ZBTB20: variants seen among roughly 807,000 people sequenced by gnomAD.
ZBTB20 encodes the protein zinc finger and BTB domain-containing protein 20.
A neutral mutation model predicts 56.9 loss-of-function variants in ZBTB20; 9 were observed. That is an observed-to-expected ratio of 0.16 (90% confidence interval 0.10 to 0.28). ZBTB20 has a LOEUF of 0.28. Among genes scored for constraint, ZBTB20 ranks in the 10% least tolerant of loss-of-function variants. ZBTB20 has a pLI of 1.00. For missense variants in ZBTB20, 655 were observed against 1,003.0 expected (o/e 0.65, Z 4.69); for synonymous variants, 417 against 420.7 (o/e 0.99, Z 0.11).
rs1258712701 is a variant in ZBTB20, at chr3:114,945,176, T to A, written c.-456+29190A>T. Reference sequence around the variant, plus strand: ...AAGTAAATACCAACGTAGAATTCTCTAACCAATGAAAGTATTCTTTTAAAA... The same window carrying A: ...AAGTAAATACCAACGTAGAATTCTCAAACCAATGAAAGTATTCTTTTAAAA... On this transcript the variant is annotated intron_variant, in intron 3 of 11. Coordinates refer to ENST00000675478, the MANE Select transcript of ZBTB20 (RefSeq NM_001348800.3). 2.1e-5 allele frequency among the ~76,000 whole-genome samples: 3 copies of A among 145,238 alleles called. 1 individual carries two copies. Among genetic ancestry groups the A allele is most frequent in the African/African-American group, 8.4e-5 (3 of 35,620 alleles).
chr3:114,763,576 T>C (rs1424739100), intron 5 of ZBTB20, among the ~76,000 whole-genome samples: 1 of 152,102 alleles, frequency 6.6e-6, no homozygotes, highest in East Asian at 1.9e-4. Flanking sequence ...GCTACAACCT[T>C]AAATAGCATA....
chr3:114,584,220 A>C (rs2054940569), intron 6 of ZBTB20, among the ~76,000 whole-genome samples: 1 of 152,214 alleles, frequency 6.6e-6, no homozygotes. Context: ...ATAGGAAGAA[A>C]GACTTTTTTT....
In ZBTB20 at chr3:114,324,460, T is replaced by C. The variant is rs1231202582; in HGVS notation, c.*14545A>G. 2.0e-5 allele frequency: 3 copies of C among 152,110 alleles called. No homozygotes were observed. Among genetic ancestry groups the C allele is most frequent in the Admixed American group, 6.5e-5 (1 of 15,272 alleles). The allele number at this position is 152,110 out of a possible 1,614,324, so 9.4% of individuals were successfully genotyped here. A position where few individuals can be genotyped will look rare whatever the true frequency, so the allele number is the denominator to read the frequency against. The stretch of plus-strand genomic sequence containing the variant: ...CACTAGGAGCACTCACTTTTCTACA[T>C]TGATCACTTTTTCCCTCACCTCATT... On this transcript the variant is annotated 3_prime_UTR_variant, in exon 12 of 12. Transcript: ENST00000675478.
intron 7 of ZBTB20, among the ~76,000 whole-genome samples, chr3:114,426,961 CA>C (rs1458873923): frequency 3.3e-5 from 5 of 152,084 alleles, no homozygotes; most frequent in African/African-American, 9.7e-5. Context: ...AAAAAAGTCC[CA>C]TTTTGTTACT....
intron 5 of ZBTB20, among the ~76,000 whole-genome samples, chr3:114,727,853 C>A (rs1302212636): frequency 6.6e-6 from 1 of 151,910 alleles, no homozygotes; most frequent in Non-Finnish European, 1.5e-5. Flanking sequence ...ATAATAATAA[C>A]AATAATTACC....
intron 4 of ZBTB20, among the ~76,000 whole-genome samples, chr3:114,894,137 G>A (rs1250783794): frequency 6.6e-6 from 1 of 152,058 alleles, no homozygotes; most frequent in Non-Finnish European, 1.5e-5. Context: ...AGCACGGGAT[G>A]CTAGGTTCAA....
In ZBTB20 at chr3:115,033,462, T is replaced by G. The variant is rs72943823; in HGVS notation, c.-507+37757A>C. On this transcript the variant is annotated intron_variant, in intron 2 of 11. Coordinates refer to ENST00000675478, the MANE Select transcript of ZBTB20 (RefSeq NM_001348800.3). ...TTAAAAAGAATAATATCAACTAAAG[T>G]TTCCTCAAAAAACAAAAAATTGAGC... Among the ~76,000 whole-genome samples the G allele has an allele frequency of 5.9e-3, 896 of 151,560 alleles. 12 individuals are homozygous for G. The highest frequency in any genetic ancestry group is 0.021 in the African/African-American group (867 of 41,472).
intron 3 of ZBTB20, among the ~76,000 whole-genome samples, chr3:114,936,949 C>T (rs1223666933): frequency 3.3e-5 from 5 of 152,148 alleles, no homozygotes; most frequent in African/African-American, 1.2e-4. Flanking sequence ...GCAATTCTGA[C>T]ATCTCTGAAA....
Position 114,325,217 on chromosome 3 carries a change from C to T in ZBTB20, c.*13788G>A, listed in dbSNP as rs1291473006. ...AAAACTGAGGTTCAAATCAACGGGC[C>T]TAAAGAAGAAGTTTAGCAGCTGAAA... On this transcript the variant is annotated 3_prime_UTR_variant, in exon 12 of 12. Transcript: ENST00000675478. 6.6e-6 allele frequency: 1 copy of T among 152,096 alleles called. No homozygotes were observed. Among genetic ancestry groups the T allele is most frequent in the Non-Finnish European group, 1.5e-5 (1 of 68,008 alleles). 9.4% of individuals were successfully genotyped at this position (152,096 alleles called of 1,614,324 possible). A position where few individuals can be genotyped will look rare whatever the true frequency, so the allele number is the denominator to read the frequency against.
chr3:114,884,430 T>G (rs945586398), intron 4 of ZBTB20, among the ~76,000 whole-genome samples: 2 of 152,214 alleles, frequency 1.3e-5, no homozygotes, highest in East Asian at 1.9e-4. Context: ...GTGCATTTTT[T>G]CACATAGTAT....
intron 6 of ZBTB20, among the ~76,000 whole-genome samples, chr3:114,634,404 T>G (rs929651206): frequency 6.6e-6 from 1 of 152,182 alleles, no homozygotes; most frequent in Non-Finnish European, 1.5e-5. Context: ...ATAGGCATGT[T>G]AGAAATGCCA....
At chr3:114,934,794 G>C (rs59976177) in intron 3 of ZBTB20, among the ~76,000 whole-genome samples, 5,923 of 152,156 alleles carry the variant, frequency 0.039, 155 homozygotes, top group African/African-American at 0.067. Context: ...TTGTTATAAT[G>C]TTATGACAAA....
intron 4 of ZBTB20, among the ~76,000 whole-genome samples, chr3:114,819,869 A>C (rs1289986454): frequency 4.6e-5 from 7 of 150,596 alleles, no homozygotes; most frequent in African/African-American, 1.7e-4. Flanking sequence ...GACCACAAGC[A>C]AACAATTTAT....
In ZBTB20 at chr3:114,883,916, C is replaced by CCTTTTTTTTTTTTTTTTT. The variant is rs1223732179; in HGVS notation, c.-417+16387_-417+16388insAAAAAAAAAAAAAAAAAG. Among the ~76,000 whole-genome samples the CCTTTTTTTTTTTTTTTTT allele has an allele frequency of 9.1e-4, 82 of 89,822 alleles. 26 individuals are homozygous for CCTTTTTTTTTTTTTTTTT. The highest frequency in any genetic ancestry group is 2.0e-3 in the South Asian group (5 of 2,552). The allele number at this position is 89,822 out of a possible 152,430, so 58.9% of individuals were successfully genotyped here. The stretch of plus-strand genomic sequence containing the variant: ...GTATAACTGGTAAGAATGGTGTGTT[C>CCTTTTTTTTTTTTTTTTT]TTTTTTTTTTTTTTTTTTTTTTTTT... On this transcript the variant is annotated intron_variant, in intron 4 of 11. Coordinates refer to ENST00000675478, the MANE Select transcript of ZBTB20 (RefSeq NM_001348800.3).
intron 2 of ZBTB20, among the ~76,000 whole-genome samples, chr3:115,059,265 G>A (rs543543947): frequency 2.6e-5 from 4 of 151,896 alleles, no homozygotes; most frequent in African/African-American, 9.7e-5. Context: ...TTTTGTTGTT[G>A]ACTGCTGAAT....
intron 5 of ZBTB20, among the ~76,000 whole-genome samples, chr3:114,735,698 T>A (rs960162060): frequency 1.3e-5 from 2 of 152,170 alleles, no homozygotes; most frequent in Non-Finnish European, 2.9e-5. Context: ...TCTTTAATTA[T>A]CTAAGCAGCT....
At chr3:114,446,676 A>G (rs2091290785) in intron 7 of ZBTB20, among the ~76,000 whole-genome samples, 1 of 152,152 alleles carries the variant, frequency 6.6e-6, no homozygotes, top group Admixed American at 6.5e-5. Context: ...AAAAGCATGT[A>G]TCTTCTGAGA....
chr3:114,438,252 T>C (rs2090655559), intron 7 of ZBTB20, among the ~76,000 whole-genome samples: 2 of 152,030 alleles, frequency 1.3e-5, no homozygotes, highest in Admixed American at 1.3e-4. Flanking sequence ...CGGATGTGTT[T>C]GATCACATGA....
At chr3:114,742,948 C>A (rs1412627916) in intron 5 of ZBTB20, among the ~76,000 whole-genome samples, 1 of 152,142 alleles carries the variant, frequency 6.6e-6, no homozygotes, top group Non-Finnish European at 1.5e-5. Flanking sequence ...TGAGGTAGTA[C>A]AAGACTCAAG....
Sources: allele counts gnomAD v4.1 joint callset (sites outside exome capture counted in the v4.1 genomes callset), GRCh38; gene constraint gnomAD v4.1.1; transcripts MANE v1.5; gene names NCBI Gene and HGNC (gene_info 2026-07-23, HGNC 2026-07-21).